Variants in PACRG observed in about 807,000 individuals in gnomAD.
PACRG encodes parkin coregulated.
In PACRG, 29 loss-of-function variants were observed where a neutral mutation model predicts 29.7. That is an observed-to-expected ratio of 0.98 (90% confidence interval 0.73 to 1.33). PACRG has a LOEUF of 1.33. PACRG is among the 40% of genes most tolerant of loss of function. The pLI is 0.00. For missense variants in PACRG, 279 were observed against 316.2 expected (o/e 0.88, Z 0.89); for synonymous variants, 116 against 118.7 (o/e 0.98, Z 0.15).
In PACRG at chr6:163,235,223, A is replaced by G. The variant is rs529764193; in HGVS notation, c.614-79604A>G. Among the ~76,000 whole-genome samples, 25 of 152,242 alleles carry G rather than the reference A, an allele frequency of 1.6e-4. No homozygotes were observed. The South Asian group carries it at 4.8e-3, about 29-fold the overall frequency. On this transcript the variant is annotated intron_variant, in intron 4 of 4. Transcript: ENST00000366888. ...CGCACCACATTTCCTGCTGCTCTCT[A>G]ATATCCCCAAACCTGTCATATTTCC...
At chr6:162,834,943 C>T (rs1789092922) in intron 2 of PACRG, among the ~76,000 whole-genome samples, 1 of 151,954 alleles carries the variant, frequency 6.6e-6, no homozygotes, top group South Asian at 2.1e-4. Flanking sequence ...TTTATTTTGG[C>T]ATATTAAGTT....
chr6:163,303,587 G>A (rs1785085163), intron 4 of PACRG, among the ~76,000 whole-genome samples: 1 of 152,102 alleles, frequency 6.6e-6, no homozygotes, highest in African/African-American at 2.4e-5. Flanking sequence ...CATCTATTTT[G>A]CTGTTTCGCG....
At chr6:163,048,906 A>C (rs1809694480) in intron 2 of PACRG, among the ~76,000 whole-genome samples, 1 of 152,272 alleles carries the variant, frequency 6.6e-6, no homozygotes, top group Non-Finnish European at 1.5e-5. Context: ...TTTCTGGCTT[A>C]GTGCTTATTC....
intron 1 of PACRG, among the ~76,000 whole-genome samples, chr6:162,743,492 T>C (rs1287720218): frequency 6.6e-6 from 1 of 152,142 alleles, no homozygotes; most frequent in Admixed American, 6.5e-5. Context: ...TATATTCTCA[T>C]TGCTAATTTA....
At chr6:162,954,241 T>C (rs2128135241) in intron 2 of PACRG, among the ~76,000 whole-genome samples, 1 of 152,312 alleles carries the variant, frequency 6.6e-6, no homozygotes, top group Admixed American at 6.5e-5. Flanking sequence ...TTAATGTATT[T>C]CCAATTAATT....
At chr6:162,775,611 T>G (rs775767423) in intron 1 of PACRG, among the ~76,000 whole-genome samples, 14 of 152,308 alleles carry the variant, frequency 9.2e-5, no homozygotes, top group Non-Finnish European at 1.8e-4. Flanking sequence ...TAACATTTAT[T>G]TACATATCTA....
At chr6:163,278,074 T>C (rs1784109881) in intron 4 of PACRG, among the ~76,000 whole-genome samples, 1 of 152,212 alleles carries the variant, frequency 6.6e-6, no homozygotes. Context: ...GATTTTCATT[T>C]CCCTGATAAT....
intron 1 of PACRG, among the ~76,000 whole-genome samples, chr6:162,806,861 G>A (rs1356035231): frequency 6.6e-6 from 1 of 152,182 alleles, no homozygotes; most frequent in Non-Finnish European, 1.5e-5. Context: ...ATTATCCTCA[G>A]TAGCTTTAGC....
intron 4 of PACRG, among the ~76,000 whole-genome samples, chr6:163,164,687 G>A (rs1404419651): frequency 3.3e-5 from 5 of 152,166 alleles, no homozygotes; most frequent in East Asian, 1.9e-4. Context: ...CCACTGGCCC[G>A]TTTTTGGGGC....
chr6:162,958,025 G>A (rs1800199278), intron 2 of PACRG, among the ~76,000 whole-genome samples: 1 of 152,202 alleles, frequency 6.6e-6, no homozygotes, highest in African/African-American at 2.4e-5. Flanking sequence ...TTATGCTTTA[G>A]TGAGAAGGGA....
At chr6:163,222,575 C>G (rs976483353) in intron 4 of PACRG, among the ~76,000 whole-genome samples, 2 of 152,152 alleles carry the variant, frequency 1.3e-5, no homozygotes, top group Admixed American at 6.5e-5. Flanking sequence ...GAGACCTTGT[C>G]TCACTTAAAA....
chr6:163,089,911 G>A (rs527877691), intron 4 of PACRG, among the ~76,000 whole-genome samples: 6 of 152,218 alleles, frequency 3.9e-5, no homozygotes, highest in African/African-American at 1.4e-4. Context: ...GAATTCATAT[G>A]GCTCTATTTT....
intron 2 of PACRG, among the ~76,000 whole-genome samples, chr6:162,921,923 C>T (rs1797093955): frequency 6.6e-6 from 1 of 152,118 alleles, no homozygotes; most frequent in Admixed American, 6.5e-5. Flanking sequence ...GCCCCCCTCA[C>T]CCCAAGAGTT....
chr6:162,869,924 C>T (rs1792657068), intron 2 of PACRG, among the ~76,000 whole-genome samples: 1 of 152,106 alleles, frequency 6.6e-6, no homozygotes, highest in African/African-American at 2.4e-5. Context: ...TTAATGTCTG[C>T]TATTTTTTCT....
chr6:162,996,921 C>T (rs1259704507), intron 2 of PACRG, among the ~76,000 whole-genome samples: 1 of 152,062 alleles, frequency 6.6e-6, no homozygotes, highest in African/African-American at 2.4e-5. Context: ...CCTATAGTGG[C>T]ATAAGTCATG....
chr6:163,278,727 G>T (rs1784136309), intron 4 of PACRG, among the ~76,000 whole-genome samples: 1 of 152,128 alleles, frequency 6.6e-6, no homozygotes. Context: ...TGCTGTTTTG[G>T]TAACTATGGC....
chr6:162,801,223 C>G (rs1785834003), intron 1 of PACRG, among the ~76,000 whole-genome samples: 1 of 152,168 alleles, frequency 6.6e-6, no homozygotes, highest in Admixed American at 6.5e-5. Context: ...ATTCTCCTGC[C>G]TCAGCCTCCC....
At chr6:163,113,238 C>A (rs1815808145) in intron 4 of PACRG, among the ~76,000 whole-genome samples, 1 of 151,996 alleles carries the variant, frequency 6.6e-6, no homozygotes. Flanking sequence ...AAAAAGTGGA[C>A]AAAGAGTGAG....
At chr6:163,043,565 A>G (rs1808979851) in intron 2 of PACRG, among the ~76,000 whole-genome samples, 1 of 152,098 alleles carries the variant, frequency 6.6e-6, no homozygotes, top group Non-Finnish European at 1.5e-5. Flanking sequence ...AAAAAAAATC[A>G]TCAGTTCGAG....
Sources: gnomAD v4.1 joint callset for allele counts (sites outside exome capture counted in the v4.1 genomes callset) on GRCh38, gnomAD v4.1.1 for gene constraint, MANE v1.5 for transcripts, NCBI Gene and HGNC (gene_info 2026-07-23, HGNC 2026-07-21) for gene names.